The following STARD8 variants were observed in gnomAD, a reference collection of about 807,000 sequenced individuals.
STARD8 encodes the protein stAR-related lipid transfer protein 8.
In STARD8, 25 loss-of-function variants were observed where a neutral mutation model predicts 69.4. That is an observed-to-expected ratio of 0.36 (90% CI 0.26 to 0.50). The LOEUF is 0.50. Ranked by LOEUF, STARD8 falls within the 20% of genes least tolerant of loss-of-function variation. The pLI, the probability that STARD8 is intolerant of heterozygous loss-of-function variation, is 0.96. For missense variants in STARD8, 921 were observed against 932.5 expected (o/e 0.99, Z 0.16); for synonymous variants, 389 against 374.6 (o/e 1.04, Z -0.45).
chrX:68,683,944 A>C (rs1032774169), intron 2 of STARD8, among the ~76,000 whole-genome samples: 24 of 112,278 alleles, frequency 2.1e-4, no homozygotes, highest in Non-Finnish European at 3.6e-4. Flanking sequence ...CTTATGAGCA[A>C]TTTGGATTAC....
intron 3 of STARD8, 50 bp from the exon 4 acceptor site, chrX:68,715,244 G>A (rs2080082518): frequency 1.8e-6 from 2 of 1,096,944 alleles, no homozygotes; most frequent in Non-Finnish European, 2.5e-6. Flanking sequence ...TGCTGAGGCT[G>A]AGTTTGTGAT....
At chrX:68,683,719 C>A (rs1356736811) in intron 2 of STARD8, among the ~76,000 whole-genome samples, 2 of 112,817 alleles carry the variant, frequency 1.8e-5, no homozygotes, top group African/African-American at 6.5e-5. Context: ...TTGGAGCCAA[C>A]ACTTCAGGTT....
chrX:68,696,870 C>T (rs1438027141), intron 2 of STARD8, among the ~76,000 whole-genome samples: 1 of 111,321 alleles, frequency 9.0e-6, no homozygotes, highest in Non-Finnish European at 1.9e-5. Context: ...ATAATACATG[C>T]CACTAATTAT....
intron 2 of STARD8, among the ~76,000 whole-genome samples, chrX:68,679,023 G>A (rs1055349421): frequency 5.4e-5 from 6 of 111,651 alleles, no homozygotes; most frequent in Non-Finnish European, 9.4e-5. Context: ...GCACATAGTC[G>A]GTGCTCAATA....
chrX:68,721,184 A>T, intron 9 of STARD8, 62 bp downstream of exon 9: 1 of 1,150,101 alleles, frequency 8.7e-7, no homozygotes, highest in Non-Finnish European at 1.2e-6. Flanking sequence ...GAATCCCAGA[A>T]CTTGTGGAAG....
At chrX:68,689,377 A>G (rs1235915176) in intron 2 of STARD8, among the ~76,000 whole-genome samples, 1 of 111,664 alleles carries the variant, frequency 9.0e-6, no homozygotes, top group East Asian at 2.8e-4. Context: ...CCGGAGACCC[A>G]TCCTGGGTGT....
At chrX:68,689,524 C>A (rs2079860363) in intron 2 of STARD8, among the ~76,000 whole-genome samples, 1 of 112,526 alleles carries the variant, frequency 8.9e-6, no homozygotes, top group African/African-American at 3.2e-5. Context: ...TGGGAAAGAG[C>A]CAGGGCTGGG....
At chrX:68,705,784 T>C (rs1043712282) in intron 2 of STARD8, among the ~76,000 whole-genome samples, 1 of 112,760 alleles carries the variant, frequency 8.9e-6, no homozygotes, top group Admixed American at 9.3e-5. Context: ...CAGCATTTAC[T>C]CCTTGACCCC....
At chrX:68,658,003 A>G (rs1222204982) in intron 1 of STARD8, among the ~76,000 whole-genome samples, 1 of 110,676 alleles carries the variant, frequency 9.0e-6, no homozygotes, top group Non-Finnish European at 1.9e-5. Flanking sequence ...TCCTATGGCT[A>G]TGGTGGAGGT....
At chrX:68,663,457 T>C (rs1235493820) in intron 1 of STARD8, among the ~76,000 whole-genome samples, 1 of 112,358 alleles carries the variant, frequency 8.9e-6, no homozygotes, top group African/African-American at 3.2e-5. Context: ...CCATGCAAGA[T>C]GGTTGTAATG....
chrX:68,704,269 G>A (rs1224262169), intron 2 of STARD8, among the ~76,000 whole-genome samples: 2 of 111,911 alleles, frequency 1.8e-5, no homozygotes, highest in African/African-American at 6.5e-5. Context: ...CTTCGCGGGA[G>A]TGGGTGTTTG....
At position 68,723,711 on chromosome X, in the gene STARD8, G is replaced by T; in HGVS notation, c.2885G>T (p.Arg962Leu). The T allele has an allele frequency of 8.4e-7, 1 of 1,194,875 alleles. No individual in the cohort carries two copies. The highest frequency in any genetic ancestry group is 1.8e-5 in the South Asian group (1 of 54,609). Residue 962 changes from arginine (R) to leucine (L), a missense_variant, in exon 13 of 15, where the codon CGG (arginine) becomes CTG (leucine). Transcript: ENST00000374599. ...GCTGTGGTGCTGCATCGTGTTCTCC[G>T]GGAGCGGGCCCTCTGGGATGAGGAT... ...PPAVVLHRVL[R>L]ERALWDEDLL...
chrX:68,690,916 T>TGAAG (rs1193745496), intron 2 of STARD8, among the ~76,000 whole-genome samples: 1 of 112,191 alleles, frequency 8.9e-6, no homozygotes, highest in Non-Finnish European at 1.9e-5. Flanking sequence ...CTGCAGCCAT[T>TGAAG]GAAGGTCAGG....
chrX:68,723,904 C>T, intron 13 of STARD8, 41 bp from the exon 14 acceptor site: 1 of 1,207,783 alleles, frequency 8.3e-7, no homozygotes, highest in Non-Finnish European at 1.1e-6. Flanking sequence ...GGGTGGAAAC[C>T]AGCACTAGGA....
chrX:68,704,421 C>T (rs150958400), intron 2 of STARD8, among the ~76,000 whole-genome samples: 1,202 of 111,131 alleles, frequency 0.011, 23 homozygotes, highest in African/African-American at 0.038. Flanking sequence ...AGTAGGGGAG[C>T]GGCCAGGTTA....
At chrX:68,668,057 T>TTTTTCTTTC (rs2079695277) in intron 2 of STARD8, among the ~76,000 whole-genome samples, 2 of 71,584 alleles carry the variant, frequency 2.8e-5, no homozygotes, top group African/African-American at 1.1e-4. Context: ...TCTCTCTTTC[T>TTTTTCTTTC]TTTCTTTCTT....
intron 12 of STARD8, among the ~76,000 whole-genome samples, chrX:68,722,947 G>A (rs1362379945): frequency 8.9e-6 from 1 of 112,839 alleles, no homozygotes; most frequent in Non-Finnish European, 1.9e-5. Flanking sequence ...CCGCAGTCCA[G>A]CTGAATCCTT....
chrX:68,719,109 A>G, intron 6 of STARD8, 116 bp from the exon 7 acceptor site: 1 of 918,136 alleles, frequency 1.1e-6, no homozygotes, highest in South Asian at 3.4e-5. Flanking sequence ...AAGTGTTCCC[A>G]GCTCCCTGCA....
intron 1 of STARD8, among the ~76,000 whole-genome samples, chrX:68,662,492 G>A (rs1449002013): frequency 1.8e-5 from 2 of 111,731 alleles, no homozygotes; most frequent in African/African-American, 6.5e-5. Flanking sequence ...TCGTGATCTG[G>A]CCCCTAACCT....
Sources: gnomAD v4.1 joint callset for allele counts (sites outside exome capture counted in the v4.1 genomes callset) on GRCh38, gnomAD v4.1.1 for gene constraint, MANE v1.5 for transcripts, NCBI Gene and HGNC (gene_info 2026-07-23, HGNC 2026-07-21) for gene names.